Variants in HSD17B12 observed in about 807,000 individuals in gnomAD.
HSD17B12 encodes the protein hydroxysteroid 17-beta dehydrogenase 12.
HSD17B12 carries 32 observed loss-of-function variants against 39.3 expected under a neutral mutation model. The observed-to-expected ratio is 0.81, with a 90% CI of 0.61 to 1.09. HSD17B12 has a LOEUF of 1.09. HSD17B12 is among the 50% of genes least tolerant of loss of function. The pLI is 0.00. For missense variants in HSD17B12, 342 were observed against 382.9 expected, an observed-to-expected ratio of 0.89 and a Z score of 0.89; for synonymous variants, 150 against 146.7, an observed-to-expected ratio of 1.02 and a Z score of -0.16.
At chr11:43,713,682 G>T (rs1950092431) in intron 1 of HSD17B12, among the ~76,000 whole-genome samples, 1 of 152,138 alleles carries the variant, frequency 6.6e-6, no homozygotes, top group South Asian at 2.1e-4. Flanking sequence ...TCTAGTTCTA[G>T]ATCCCTGAGG....
intron 1 of HSD17B12, among the ~76,000 whole-genome samples, chr11:43,706,253 T>G (rs1276731938): frequency 6.6e-6 from 1 of 152,130 alleles, no homozygotes; most frequent in Non-Finnish European, 1.5e-5. Context: ...TAATAAGAAA[T>G]GAATCCTCAG....
chr11:43,577,201 C>A, the HSD17B12 span, among the ~76,000 whole-genome samples: 3 of 152,200 alleles, frequency 2.0e-5, no homozygotes, highest in Non-Finnish European at 2.9e-5. Flanking sequence ...TCAGTGAGTT[C>A]AGTTCCGTGC....
the HSD17B12 span, among the ~76,000 whole-genome samples, chr11:43,612,800 AG>A: frequency 6.6e-6 from 1 of 152,128 alleles, no homozygotes. Flanking sequence ...AGAAGGGCAG[AG>A]TATGTGGCTA....
intron 1 of HSD17B12, 77 bp downstream of exon 1, chr11:43,681,064 G>A: frequency 6.9e-7 from 1 of 1,455,836 alleles, no homozygotes; most frequent in South Asian, 1.4e-5. Context: ...CTAGTTCTGG[G>A]GTCTGCTCCT....
chr11:43,560,635 C>A, the HSD17B12 span, among the ~76,000 whole-genome samples: 3 of 152,294 alleles, frequency 2.0e-5, no homozygotes, highest in East Asian at 5.8e-4. Context: ...TGGGCTACTG[C>A]CAACATTGTG....
At chr11:43,655,362 T>A in the HSD17B12 span, among the ~76,000 whole-genome samples, 1 of 152,232 alleles carries the variant, frequency 6.6e-6, no homozygotes, top group East Asian at 1.9e-4. Flanking sequence ...CAGGGACAAT[T>A]TGACTTCCTC....
At chr11:43,581,551 C>G in the HSD17B12 span, 3 of 430,172 alleles carry the variant, frequency 7.0e-6, no homozygotes, top group Non-Finnish European at 1.5e-5. The surrounding 1 kb of genome is among the most constrained non-coding windows in gnomAD (Gnocchi z 4.9). Context: ...GCTGCTCCAT[C>G]CGAGCCTTAC....
At chr11:43,654,651 G>A in the HSD17B12 span, among the ~76,000 whole-genome samples, 5 of 152,226 alleles carry the variant, frequency 3.3e-5, no homozygotes, top group Non-Finnish European at 5.9e-5. Context: ...ATTAAATAGG[G>A]AATCCTTTCC....
intron 1 of HSD17B12, among the ~76,000 whole-genome samples, chr11:43,690,402 A>ATTTTTTTTT (rs1454701982): frequency 3.4e-4 from 9 of 26,216 alleles, no homozygotes; most frequent in South Asian, 1.4e-3. Context: ...ATATATATAT[A>ATTTTTTTTT]TATTTTTTTT....
At chr11:43,689,145 G>C (rs1949829971) in intron 1 of HSD17B12, among the ~76,000 whole-genome samples, 1 of 152,154 alleles carries the variant, frequency 6.6e-6, no homozygotes, top group Non-Finnish European at 1.5e-5. Context: ...CCCTTAGTGA[G>C]TAAATCTAAG....
intron 3 of HSD17B12, among the ~76,000 whole-genome samples, chr11:43,785,628 G>A (rs1950808941): frequency 6.6e-6 from 1 of 152,136 alleles, no homozygotes; most frequent in South Asian, 2.1e-4. Flanking sequence ...TGCGTAGTTG[G>A]AGAAGAGAAA....
At chr11:43,749,853 G>A (rs1195368650) in intron 1 of HSD17B12, among the ~76,000 whole-genome samples, 1 of 151,962 alleles carries the variant, frequency 6.6e-6, no homozygotes, top group Non-Finnish European at 1.5e-5. Context: ...AAATGTTTTG[G>A]AAAAACTCGT....
chr11:43,707,014 T>A (rs1565056955), intron 1 of HSD17B12, among the ~76,000 whole-genome samples: 1 of 152,150 alleles, frequency 6.6e-6, no homozygotes, highest in Non-Finnish European at 1.5e-5. Flanking sequence ...ATCAGGGATA[T>A]GACATATACC....
At chr11:43,580,134 C>T in the HSD17B12 span, among the ~76,000 whole-genome samples, 2 of 149,672 alleles carry the variant, frequency 1.3e-5, no homozygotes, top group Non-Finnish European at 1.5e-5. Context: ...GGCAACCCCT[C>T]AAAGTTTGGA....
In HSD17B12 at chr11:43,807,129, C is replaced by T. The variant is rs556032184; in HGVS notation, c.392-8308C>T. ...TTTTTGATTGATTCATTCAATCAAC[C>T]GTATACTAATTCATTAAACAAGTAA... is the stretch of plus-strand genomic sequence containing the variant. On this transcript the variant is annotated intron_variant, in intron 4 of 10. Coordinates refer to ENST00000278353, the MANE Select transcript of HSD17B12 (RefSeq NM_016142.3). Among the ~76,000 whole-genome samples, 12 of 152,158 alleles carry T rather than the reference C, an allele frequency of 7.9e-5. No homozygotes were observed. The South Asian group carries it at 2.1e-3, about 26-fold the overall frequency.
intron 4 of HSD17B12, among the ~76,000 whole-genome samples, chr11:43,811,993 T>C (rs1211030053): frequency 6.6e-6 from 1 of 152,202 alleles, no homozygotes; most frequent in Non-Finnish European, 1.5e-5. Context: ...GTGCCTGGCT[T>C]ATCTCACTTA....
chr11:43,631,591 G>C, the HSD17B12 span, among the ~76,000 whole-genome samples: 40 of 138,968 alleles, frequency 2.9e-4, no homozygotes, highest in East Asian at 3.9e-3. Context: ...CTCTCTCTCT[G>C]TCTCTCTCTC....
At chr11:43,778,047 C>A (rs1029797835) in intron 3 of HSD17B12, among the ~76,000 whole-genome samples, 1 of 152,094 alleles carries the variant, frequency 6.6e-6, no homozygotes. Context: ...AATCCAGGAG[C>A]TGGTTTTTTG....
At chr11:43,844,161 C>G (rs1463570889) in intron 9 of HSD17B12, among the ~76,000 whole-genome samples, 1 of 152,172 alleles carries the variant, frequency 6.6e-6, no homozygotes, top group Non-Finnish European at 1.5e-5. Flanking sequence ...CTTTTTAGGT[C>G]TACCTCCGTG....
Sources: allele counts gnomAD v4.1 joint callset (sites outside exome capture counted in the v4.1 genomes callset), GRCh38; gene constraint gnomAD v4.1.1; non-coding constraint Gnocchi (gnomAD v3.1); transcripts MANE v1.5; gene names NCBI Gene and HGNC (gene_info 2026-07-23, HGNC 2026-07-21).